Variants in SPAG16 observed in about 807,000 individuals in gnomAD.
The protein encoded by SPAG16 is sperm-associated antigen 16 protein.
Under a neutral mutation model 80.4 loss-of-function variants are expected in SPAG16, and 86 were observed. The observed-to-expected ratio is 1.07, with a 90% CI of 0.90 to 1.28. The LOEUF (loss-of-function observed/expected upper bound fraction) is 1.28. Ranked by LOEUF, SPAG16 falls within the 50% of genes most tolerant of loss-of-function variation. The probability of loss-of-function intolerance (pLI) is 0.00; values close to 1 mark genes in which losing one functional copy is unlikely to be tolerated. For missense variants in SPAG16, 870 were observed against 765.3 expected, an observed-to-expected ratio of 1.14 and a Z score of -1.61; for synonymous variants, 294 against 265.9, an observed-to-expected ratio of 1.11 and a Z score of -1.03.
intron 6 of SPAG16, among the ~76,000 whole-genome samples, chr2:213,346,087 G>C (rs1370772081): frequency 6.6e-5 from 10 of 152,036 alleles, no homozygotes; most frequent in Non-Finnish European, 8.8e-5. Context: ...TCCTTGAAGA[G>C]GTCCTTCACA....
chr2:214,265,942 A>C (rs554355367), intron 15 of SPAG16, among the ~76,000 whole-genome samples: 1 of 151,934 alleles, frequency 6.6e-6, no homozygotes, highest in Non-Finnish European at 1.5e-5. Flanking sequence ...ATCTAAAATT[A>C]TATTGTTCTT....
intron 11 of SPAG16, among the ~76,000 whole-genome samples, chr2:213,904,312 G>T (rs2077345234): frequency 6.6e-6 from 1 of 152,156 alleles, no homozygotes; most frequent in African/African-American, 2.4e-5. Flanking sequence ...GTTCCACATG[G>T]CTGGGGAGGC....
chr2:214,287,751 A>C (rs776037696), intron 15 of SPAG16, among the ~76,000 whole-genome samples: 3 of 152,246 alleles, frequency 2.0e-5, no homozygotes, highest in Non-Finnish European at 4.4e-5. Context: ...GTGTGTGAGG[A>C]AATTTAAAAG....
intron 15 of SPAG16, among the ~76,000 whole-genome samples, chr2:214,216,775 G>T (rs561195413): frequency 6.6e-6 from 1 of 152,230 alleles, no homozygotes; most frequent in South Asian, 2.1e-4. Context: ...GTTAATTATA[G>T]AATGCAGATT....
At chr2:213,999,100 T>A (rs1158333743) in intron 12 of SPAG16, among the ~76,000 whole-genome samples, 1 of 152,174 alleles carries the variant, frequency 6.6e-6, no homozygotes, top group Non-Finnish European at 1.5e-5. Context: ...TTTGCATAAG[T>A]AACAACGAGG....
chr2:213,372,403 A>T (rs1437095215), intron 8 of SPAG16, among the ~76,000 whole-genome samples: 2 of 152,138 alleles, frequency 1.3e-5, no homozygotes, highest in East Asian at 3.8e-4. Context: ...AATAAATGTC[A>T]TATATAGTAA....
At chr2:214,124,531 T>C (rs569223512) in intron 14 of SPAG16, among the ~76,000 whole-genome samples, 2 of 151,996 alleles carry the variant, frequency 1.3e-5, no homozygotes, top group Non-Finnish European at 2.9e-5. Context: ...ACAGGGATAA[T>C]GTCTAATGCA....
At chr2:213,522,554 T>C (rs1247741817) in intron 10 of SPAG16, among the ~76,000 whole-genome samples, 1 of 152,086 alleles carries the variant, frequency 6.6e-6, no homozygotes, top group Non-Finnish European at 1.5e-5. Flanking sequence ...TACTGGTCCC[T>C]GGAGGAATAT....
Position 213,758,172 on chromosome 2 carries a change from G to A in SPAG16, c.1071-104313G>A, listed in dbSNP as rs2068447962. ...AAGTTTACACTTCAGACTGATTCTTGGCACAGAGATAGCCTACAACAGAAT... is the reference window on the plus strand; with the variant it reads ...AAGTTTACACTTCAGACTGATTCTTAGCACAGAGATAGCCTACAACAGAAT... On this transcript the variant is annotated intron_variant, in intron 10 of 15. Coordinates refer to ENST00000331683, the MANE Select transcript of SPAG16 (RefSeq NM_024532.5). 3 of 152,538 alleles carry A rather than the reference G, an allele frequency of 2.0e-5. No homozygotes were observed. In the South Asian group the frequency reaches 6.2e-4, roughly 32 times the overall value. The allele number at this position is 152,538 out of a possible 1,614,324, so 9.4% of individuals were successfully genotyped here. A position where few individuals can be genotyped will look rare whatever the true frequency, so the allele number is the denominator to read the frequency against.
chr2:214,335,101 A>T (rs142196020), intron 15 of SPAG16, among the ~76,000 whole-genome samples: 1 of 152,328 alleles, frequency 6.6e-6, no homozygotes, highest in Admixed American at 6.5e-5. Flanking sequence ...AGCTGATCCT[A>T]TAGGAAGTTT....
At chr2:213,428,328 C>T (rs1392787694) in intron 9 of SPAG16, among the ~76,000 whole-genome samples, 1 of 152,088 alleles carries the variant, frequency 6.6e-6, no homozygotes, top group East Asian at 1.9e-4. Context: ...CTTCCCAAGC[C>T]CTGAATCTAA....
chr2:213,947,080 GTTTA>G (rs1010923141), intron 12 of SPAG16, among the ~76,000 whole-genome samples: 4 of 151,676 alleles, frequency 2.6e-5, no homozygotes, highest in Non-Finnish European at 4.4e-5. Flanking sequence ...AAACATCATA[GTTTA>G]TTTATTCACT....
At chr2:214,288,302 T>A (rs894193892) in intron 15 of SPAG16, among the ~76,000 whole-genome samples, 3 of 152,188 alleles carry the variant, frequency 2.0e-5, no homozygotes, top group Non-Finnish European at 4.4e-5. Flanking sequence ...ATATACTGTA[T>A]TTTTAAAAAA....
At chr2:213,786,918 A>G (rs2070378705) in intron 10 of SPAG16, among the ~76,000 whole-genome samples, 1 of 152,198 alleles carries the variant, frequency 6.6e-6, no homozygotes, top group African/African-American at 2.4e-5. Flanking sequence ...CAATTCTAAT[A>G]ATTTCATGTG....
chr2:213,360,599 T>C (rs1167253462), intron 7 of SPAG16, among the ~76,000 whole-genome samples: 1 of 152,232 alleles, frequency 6.6e-6, no homozygotes, highest in African/African-American at 2.4e-5. Context: ...TTACAAAGAA[T>C]GATTTATTGC....
At chr2:213,613,804 A>C (rs1574495859) in intron 10 of SPAG16, among the ~76,000 whole-genome samples, 1 of 152,320 alleles carries the variant, frequency 6.6e-6, no homozygotes, top group South Asian at 2.1e-4. Flanking sequence ...TATCTTGTGA[A>C]TGCATGGATG....
At chr2:213,665,393 C>G (rs2063566202) in intron 10 of SPAG16, among the ~76,000 whole-genome samples, 1 of 152,112 alleles carries the variant, frequency 6.6e-6, no homozygotes, top group Non-Finnish European at 1.5e-5. Flanking sequence ...CATACACACA[C>G]AAACACACGT....
intron 15 of SPAG16, among the ~76,000 whole-genome samples, chr2:214,397,507 T>A (rs1701467631): frequency 6.6e-6 from 1 of 152,178 alleles, no homozygotes. Context: ...GGTGTTCAAA[T>A]TTTTCTATTC....
intron 15 of SPAG16, among the ~76,000 whole-genome samples, chr2:214,279,520 G>A (rs1396553223): frequency 6.6e-6 from 1 of 152,128 alleles, no homozygotes; most frequent in African/African-American, 2.4e-5. Flanking sequence ...GATGAACTCT[G>A]TAAGGTAAGG....
Sources: gnomAD v4.1 joint callset for allele counts (sites outside exome capture counted in the v4.1 genomes callset) on GRCh38, gnomAD v4.1.1 for gene constraint, MANE v1.5 for transcripts, NCBI Gene and HGNC (gene_info 2026-07-23, HGNC 2026-07-21) for gene names.